The following SAFB variants were observed in gnomAD, a reference collection of about 807,000 sequenced individuals.
The protein encoded by SAFB is scaffold attachment factor B1.
SAFB carries 15 observed loss-of-function variants against 101.6 expected under a neutral mutation model. That is an observed-to-expected ratio of 0.15 (90% CI 0.10 to 0.23). SAFB has a LOEUF of 0.23. SAFB is among the 10% of genes least tolerant of loss of function. The probability of loss-of-function intolerance (pLI) is 1.00; values close to 1 mark genes in which losing one functional copy is unlikely to be tolerated. For missense variants in SAFB, 930 were observed against 1,104.1 expected (o/e 0.84, Z 2.23); for synonymous variants, 449 against 407.5 (o/e 1.10, Z -1.23).
chr19:5,654,092 G>A lies in SAFB; in HGVS notation c.1558G>A (p.Asp520Asn). The A allele has an allele frequency of 6.2e-7, 1 of 1,614,146 alleles. No individual in the cohort carries two copies. The highest frequency in any genetic ancestry group is 8.5e-7 in the Non-Finnish European group (1 of 1,179,998). Residue 520 changes from aspartate to asparagine, a missense_variant, in exon 12 of 21, where the codon GAC becomes AAC. Physicochemically the swap from Asp to Asn is conservative, Grantham distance 23. Transcript: ENST00000588852. ...STNLKRDDKC[D>N]RKDDAKKGDD... ...AAACCTTAAGAGGGATGATAAATGTGACAGAAAAGATGATGCTAAGAAGGG... is the reference window on the plus strand; with the variant it reads ...AAACCTTAAGAGGGATGATAAATGTAACAGAAAAGATGATGCTAAGAAGGG...
At chr19:5,659,767 G>T (rs2054152915) in intron 14 of SAFB, among the ~76,000 whole-genome samples, 1 of 152,066 alleles carries the variant, frequency 6.6e-6, no homozygotes. Context: ...TCTGCTGGGG[G>T]AGTAATGAAC....
At chr19:5,623,584 C>G (rs193289093) in intron 1 of SAFB, among the ~76,000 whole-genome samples, 190 bp downstream of exon 1, 1 of 151,970 alleles carries the variant, frequency 6.6e-6, no homozygotes, top group East Asian at 2.0e-4. Context: ...GGGTTCAAAT[C>G]CTAACGCCGC....
chr19:5,634,400 G>A (rs2053553144), intron 2 of SAFB, among the ~76,000 whole-genome samples: 1 of 151,938 alleles, frequency 6.6e-6, no homozygotes, highest in Non-Finnish European at 1.5e-5. Flanking sequence ...AAAGTTTGAG[G>A]GTTTGTTCAT....
chr19:5,636,253 A>T (rs1348654090), intron 2 of SAFB, among the ~76,000 whole-genome samples: 1 of 152,020 alleles, frequency 6.6e-6, no homozygotes, highest in Non-Finnish European at 1.5e-5. Context: ...GTTTCTGATA[A>T]GTTAGTAGAT....
intron 17 of SAFB, chr19:5,664,645 T>C: frequency 7.5e-6 from 4 of 529,914 alleles, no homozygotes; most frequent in South Asian, 6.0e-5. Flanking sequence ...ACAGTTACTC[T>C]GAAGCTGTTT....
intron 13 of SAFB, among the ~76,000 whole-genome samples, chr19:5,655,698 C>A (rs2054043874): frequency 6.6e-6 from 1 of 152,104 alleles, no homozygotes; most frequent in South Asian, 2.1e-4. Flanking sequence ...GAGCGGATTG[C>A]TTAGGAGCTT....
Position 5,626,427 on chromosome 19 carries a change from A to G in SAFB, c.212A>G (p.Asn71Ser). The part of the protein sequence containing the change: ...LKKAIEDEGG[N>S]PDEIEITSEG... Reference sequence around the variant, plus strand: ...TAGGCAATTGAAGATGAAGGTGGTAATCCTGACGAAATTGAAATTACCTCC... The same window carrying G: ...TAGGCAATTGAAGATGAAGGTGGTAGTCCTGACGAAATTGAAATTACCTCC... The change falls in exon 2 of 21, where the codon AAT (asparagine) becomes AGT (serine). Residue 71 changes from asparagine to serine, a missense_variant. Coordinates refer to ENST00000588852, the MANE Select transcript of SAFB (RefSeq NM_001201338.2). The G allele has an allele frequency of 6.2e-7, 1 of 1,609,330 alleles. No individual in the cohort carries two copies. Among genetic ancestry groups the G allele is most frequent in the Non-Finnish European group, 8.5e-7 (1 of 1,175,634 alleles).
chr19:5,645,619 G>A (rs375733175), intron 5 of SAFB, among the ~76,000 whole-genome samples: 2 of 152,222 alleles, frequency 1.3e-5, no homozygotes, highest in Admixed American at 1.3e-4. Flanking sequence ...GCCTCCAAGC[G>A]CTGTGGCTTA....
chr19:5,667,302 G>A lies in SAFB; in HGVS notation c.2454-45G>A. On this transcript the variant is annotated intron_variant, in intron 18 of 20. Transcript: ENST00000588852. This position sits in a 1 kb window ranked among gnomAD's most constrained non-coding sequence, Gnocchi z 4.0. ...AGCCGCCACAGTTATTAGCACAAGA[G>A]CCAGAGATGGGGGCAATCCAAATCA... 1.4e-6 allele frequency: 2 copies of A among 1,398,076 alleles called. No homozygotes were observed. The highest frequency in any genetic ancestry group is 2.9e-5 in the African/African-American group (2 of 68,708). The allele number at this position is 1,398,076 out of a possible 1,614,324, so 86.6% of individuals were successfully genotyped here.
At chr19:5,629,074 G>C (rs544061084) in intron 2 of SAFB, among the ~76,000 whole-genome samples, 1 of 152,158 alleles carries the variant, frequency 6.6e-6, no homozygotes, top group Non-Finnish European at 1.5e-5. Context: ...TTAGATTTCA[G>C]TTGTGAGCCA....
At chr19:5,637,097 C>T (rs1478776198) in intron 2 of SAFB, among the ~76,000 whole-genome samples, 4 of 150,850 alleles carry the variant, frequency 2.7e-5, no homozygotes, top group Non-Finnish European at 5.9e-5. Flanking sequence ...GTAATCCTAG[C>T]ACTTCGGGAG....
intron 1 of SAFB, among the ~76,000 whole-genome samples, chr19:5,625,988 CAG>C (rs777877204): frequency 1.4e-4 from 21 of 152,108 alleles, no homozygotes; most frequent in South Asian, 4.1e-4. Flanking sequence ...TGAGTAAAGT[CAG>C]GGGAAATGGA....
In SAFB at chr19:5,626,471, T is replaced by C. The variant is rs755934830; in HGVS notation, c.256T>C (p.Ser86Pro). ...EITSEGNKKT[S>P]KRSSKGRKPE... is the part of the protein sequence containing the mutation. ...TACCTCCGAGGGAAACAAGAAAACA[T>C]CAAAGAGGTCTAGCAAAGGTATGGA... The change falls in exon 2 of 21, where the codon TCA becomes CCA. Residue 86 changes from serine (S) to proline (P), a missense_variant. Ser to Pro is a moderately conservative substitution (Grantham distance 74). Around this residue, in one of 7 missense-constraint regions of SAFB, gnomAD observed 119 missense variants for 171.4 expected, o/e 0.69. Transcript: ENST00000588852. 6.2e-7 allele frequency: 1 copy of C among 1,603,306 alleles called. No individual in the cohort carries two copies.
At position 5,667,276 on chromosome 19, in the gene SAFB, A is replaced by G. The variant is rs1230801030; in HGVS notation, c.2454-71A>G. On this transcript the variant is annotated intron_variant, in intron 18 of 20. Transcript: ENST00000588852. The surrounding 1 kb of genome is among the most constrained non-coding windows in gnomAD (Gnocchi z 4.0). ...AAACACAGAGGGATTCACTCTCCAG[A>G]AGCCGCCACAGTTATTAGCACAAGA... 7.6e-7 allele frequency: 1 copy of G among 1,317,690 alleles called. No individual in the cohort carries two copies. The highest frequency in any genetic ancestry group is 1.0e-6 in the Non-Finnish European group (1 of 972,600). The allele number at this position is 1,317,690 out of a possible 1,614,324, so 81.6% of individuals were successfully genotyped here. A position where few individuals can be genotyped will look rare whatever the true frequency, so the allele number is the denominator to read the frequency against.
At chr19:5,656,392 C>T (rs930023286) in intron 13 of SAFB, among the ~76,000 whole-genome samples, 1 of 152,066 alleles carries the variant, frequency 6.6e-6, no homozygotes, top group Non-Finnish European at 1.5e-5. Flanking sequence ...TCTCCTGCCT[C>T]ACCCTCTTGA....
At chr19:5,637,887 A>T (rs1035181010) in intron 2 of SAFB, among the ~76,000 whole-genome samples, 2 of 152,194 alleles carry the variant, frequency 1.3e-5, no homozygotes, top group Non-Finnish European at 2.9e-5. Flanking sequence ...AGTCTATTTC[A>T]TGGATTTCAT....
intron 2 of SAFB, among the ~76,000 whole-genome samples, chr19:5,640,329 A>G (rs1458991668): frequency 7.0e-6 from 1 of 143,502 alleles, no homozygotes; most frequent in Non-Finnish European, 1.5e-5. Context: ...AAAATAGCAA[A>G]TTTTTAACAG....
At chr19:5,624,969 G>A (rs992129539) in intron 1 of SAFB, among the ~76,000 whole-genome samples, 4 of 152,036 alleles carry the variant, frequency 2.6e-5, no homozygotes, top group East Asian at 1.9e-4. Context: ...CTCCCTGGAC[G>A]GTCCATAGGC....
At chr19:5,652,416 A>G (rs1208764076) in intron 9 of SAFB, among the ~76,000 whole-genome samples, 1 of 152,052 alleles carries the variant, frequency 6.6e-6, no homozygotes, top group Non-Finnish European at 1.5e-5. Context: ...AGCAGGCCTG[A>G]TGTGGGTTAA....
Sources: gnomAD v4.1 joint callset for allele counts (sites outside exome capture counted in the v4.1 genomes callset) on GRCh38, gnomAD v4.1.1 for gene constraint, gnomAD v4.1.1 regional missense constraint, Gnocchi (gnomAD v3.1) non-coding constraint, MANE v1.5 for transcripts, NCBI Gene and HGNC (gene_info 2026-07-23, HGNC 2026-07-21) for gene names.